The following ZNF14 variants were observed in gnomAD, a reference collection of about 807,000 sequenced individuals.
ZNF14 encodes gonadotropin inducible transcription repressor-4.
A neutral mutation model predicts 11.3 loss-of-function variants in ZNF14; 9 were observed. That is an observed-to-expected ratio of 0.80 (90% CI 0.48 to 1.39). The LOEUF (loss-of-function observed/expected upper bound fraction) is 1.39, where lower values mean the gene tolerates loss of function less well. ZNF14 is among the 40% of genes most tolerant of loss of function. ZNF14 has a pLI of 0.00. For missense variants in ZNF14, 711 were observed against 763.9 expected, an observed-to-expected ratio of 0.93 and a Z score of 0.82; for synonymous variants, 239 against 245.7, an observed-to-expected ratio of 0.97 and a Z score of 0.25.
At position 19,716,987 on chromosome 19, in the gene ZNF14, T is replaced by C. The variant is rs185177415; in HGVS notation, c.4-2500A>G. 1.7e-3 allele frequency among the ~76,000 whole-genome samples: 257 copies of C among 152,242 alleles called. 2 individuals are homozygous for C. The highest frequency in any genetic ancestry group is 5.9e-3 in the African/African-American group (245 of 41,542). On this transcript the variant is annotated intron_variant, in intron 1 of 3. Coordinates refer to ENST00000344099, the MANE Select transcript of ZNF14 (RefSeq NM_021030.3). ...CCGTTTTTTGTCTTCCCAACACCAA[T>C]ACAAGGTGTCTTTTCCAACGCCATT...
intron 1 of ZNF14, among the ~76,000 whole-genome samples, chr19:19,730,633 C>T (rs2062420520): frequency 6.6e-6 from 1 of 152,186 alleles, no homozygotes; most frequent in Non-Finnish European, 1.5e-5. Context: ...CCAATACAGG[C>T]CGGGCGCAGT....
intron 1 of ZNF14, among the ~76,000 whole-genome samples, chr19:19,723,895 G>A (rs1478033155): frequency 3.0e-5 from 4 of 133,774 alleles, no homozygotes; most frequent in Admixed American, 2.9e-4. Flanking sequence ...TTCTCTGATG[G>A]TAGTTTGTAT....
rs3031866 is a variant in ZNF14 at position 19,714,713 on chromosome 19, C to CTTTTTTTTTTTTTTTTTTT, written c.4-227_4-226insAAAAAAAAAAAAAAAAAAA. Among the ~76,000 whole-genome samples the CTTTTTTTTTTTTTTTTTTT allele has an allele frequency of 6.5e-5, 8 of 122,850 alleles. 1 individual carries two copies. The highest frequency in any genetic ancestry group is 2.7e-4 in the South Asian group (1 of 3,724). 80.6% of individuals were successfully genotyped at this position (122,850 alleles called of 152,430 possible). A position where few individuals can be genotyped will look rare whatever the true frequency, so the allele number is the denominator to read the frequency against. On this transcript the variant is annotated intron_variant, in intron 1 of 3. Transcript: ENST00000344099. Reference sequence around the variant, plus strand: ...TTTTTTCTTTTTCCTTTTTCTTTTTCTTTTTTTTTTTTTTTTGAGACAGAG... The same window carrying CTTTTTTTTTTTTTTTTTTT: ...TTTTTTCTTTTTCCTTTTTCTTTTTCTTTTTTTTTTTTTTTTTTTTTTTTTTTTTTTTTTTGAGACAGAG...
rs1599469951 is a variant in ZNF14, at chr19:19,720,378, T to C, written c.4-5891A>G. 6.6e-6 allele frequency among the ~76,000 whole-genome samples: 1 copy of C among 151,518 alleles called. No homozygotes were observed. Among genetic ancestry groups the C allele is most frequent in the Admixed American group, 6.6e-5 (1 of 15,182 alleles). On this transcript the variant is annotated intron_variant, in intron 1 of 3. Transcript: ENST00000344099. The surrounding 1 kb of genome is among the most constrained non-coding windows in gnomAD (Gnocchi z 4.1). ...TTTTTGAGATGGAGTCTCGCTCTTGTTGCCCAGGCTGGAGTGCAATGACAC... is the reference window on the plus strand; with the variant it reads ...TTTTTGAGATGGAGTCTCGCTCTTGCTGCCCAGGCTGGAGTGCAATGACAC...
At position 19,711,715 on chromosome 19, in the gene ZNF14, T is replaced by G; in HGVS notation, c.1566A>C (p.Glu522Asp). Residue 522 changes from glutamate to aspartate, a missense_variant, in exon 4 of 4, where the codon GAA becomes GAC. Glu to Asp is a conservative substitution (Grantham distance 45, BLOSUM62 2). Transcript: ENST00000344099. ...FSFSSSLREH[E>D]KIHTGNKPFE... The stretch of plus-strand genomic sequence containing the variant: ...AAGGCTTATTTCCAGTGTGAATTTT[T>G]TCATGTTCTCGAAGGGAACTTGAAA... 1 of 1,614,162 alleles carries G rather than the reference T, an allele frequency of 6.2e-7. No individual in the cohort carries two copies. The highest frequency in any genetic ancestry group is 8.5e-7 in the Non-Finnish European group (1 of 1,180,026).
At position 19,733,042 on chromosome 19, in the gene ZNF14, A is replaced by T; in HGVS notation, c.-84T>A. The T allele has an allele frequency of 6.4e-7, 1 of 1,561,348 alleles. No individual in the cohort carries two copies. The highest frequency in any genetic ancestry group is 8.7e-7 in the Non-Finnish European group (1 of 1,146,128). On this transcript the variant is annotated 5_prime_UTR_variant, in exon 1 of 4. Coordinates refer to ENST00000344099, the MANE Select transcript of ZNF14 (RefSeq NM_021030.3). ...CACGGCGCGACAAAGGATGCGCTAG[A>T]GCCACCTTCGGCCTTCAGGAGCAGG... is the stretch of plus-strand genomic sequence containing the variant.
rs1197017921 is a variant in ZNF14 at position 19,727,950 on chromosome 19, C to G, written c.3+5006G>C. Among the ~76,000 whole-genome samples, 2 of 133,250 alleles carry G rather than the reference C, an allele frequency of 1.5e-5. 1 individual carries two copies. The highest frequency in any genetic ancestry group is 3.3e-5 in the Non-Finnish European group (2 of 60,040). 87.4% of individuals were successfully genotyped at this position (133,250 alleles called of 152,430 possible). A position where few individuals can be genotyped will look rare whatever the true frequency, so the allele number is the denominator to read the frequency against. ...TGGCCATCATGGTGAAACTCCGTCT[C>G]TACTAAAAATACAAAAATTAGCTGG... On this transcript the variant is annotated intron_variant, in intron 1 of 3. Coordinates refer to ENST00000344099, the MANE Select transcript of ZNF14 (RefSeq NM_021030.3).
At position 19,723,867 on chromosome 19, in the gene ZNF14, G is replaced by C. The variant is rs1173070238; in HGVS notation, c.3+9089C>G. Among the ~76,000 whole-genome samples, 3 of 133,754 alleles carry C rather than the reference G, an allele frequency of 2.2e-5. 1 individual carries two copies. The highest frequency in any genetic ancestry group is 7.3e-5 in the Admixed American group (1 of 13,688). 87.7% of individuals were successfully genotyped at this position (133,754 alleles called of 152,430 possible). A position where few individuals can be genotyped will look rare whatever the true frequency, so the allele number is the denominator to read the frequency against. Reference sequence around the variant, plus strand: ...CTTCTAGATTTTCTAGTTTATTTGCGTAGAGGTGTTTATACTATTCTCTGA... The same window carrying C: ...CTTCTAGATTTTCTAGTTTATTTGCCTAGAGGTGTTTATACTATTCTCTGA... On this transcript the variant is annotated intron_variant, in intron 1 of 3. Coordinates refer to ENST00000344099, the MANE Select transcript of ZNF14 (RefSeq NM_021030.3).
chr19:19,712,307 T>G lies in ZNF14; in HGVS notation c.974A>C (p.His325Pro). 1 of 1,614,110 alleles carries G rather than the reference T, an allele frequency of 6.2e-7. No individual in the cohort carries two copies. The change falls in exon 4 of 4, where the codon CAT becomes CCT. Residue 325 changes from histidine to proline, a missense_variant. Transcript: ENST00000344099. ...TCGAGCCCCAGTGTGTATTATTACA[T>G]GTGCTCGAAAGCTTGCAGAATAAAA... ...AFFYSASFRA[H>P]VIIHTGARPY...
At chr19:19,721,231 C>T (rs558897530) in intron 1 of ZNF14, among the ~76,000 whole-genome samples, 46 of 152,220 alleles carry the variant, frequency 3.0e-4, no homozygotes, top group Admixed American at 3.0e-3. Flanking sequence ...GCTAGGATTA[C>T]AGGCATGAGC....
chr19:19,712,921 C>T lies in ZNF14; in HGVS notation c.360G>A (p.Arg120=). ...TCTGTCCAGTGTGAGATCTCATGTG[C>T]CTATTAAGGGACGAATGATGAATGA... ...RDFIHHSSLN[R]HMRSHTGQKP... Residue 120 remains arginine, a synonymous_variant, in exon 4 of 4, where the codon AGG becomes AGA. Transcript: ENST00000344099. The T allele has an allele frequency of 6.2e-7, 1 of 1,614,090 alleles. No homozygotes were observed. Among genetic ancestry groups the T allele is most frequent in the Non-Finnish European group, 8.5e-7 (1 of 1,180,016 alleles).
rs746737389 is a variant in ZNF14, at chr19:19,712,371, C to T, written c.910G>A (p.Glu304Lys). 5.6e-6 allele frequency: 9 copies of T among 1,612,060 alleles called. No homozygotes were observed. The highest frequency in any genetic ancestry group is 7.6e-6 in the Non-Finnish European group (9 of 1,179,586). Residue 304 changes from glutamate to lysine, a missense_variant, in exon 4 of 4, where the codon GAG becomes AAG. Coordinates refer to ENST00000344099, the MANE Select transcript of ZNF14 (RefSeq NM_021030.3). The part of the protein sequence containing the change: ...FRRHKRTHSG[E>K]KPYECKECGK... ...CATTCTTTACATTCATAGGGTTTCTCTCCACTATGAGTCCTTTTATGCCTT... is the reference window on the plus strand; with the variant it reads ...CATTCTTTACATTCATAGGGTTTCTTTCCACTATGAGTCCTTTTATGCCTT...
intron 1 of ZNF14, among the ~76,000 whole-genome samples, chr19:19,715,196 G>A (rs140810515): frequency 2.6e-4 from 39 of 152,054 alleles, no homozygotes; most frequent in South Asian, 4.1e-4. Flanking sequence ...ATTTCATTAC[G>A]CATGGAATCA....
intron 1 of ZNF14, among the ~76,000 whole-genome samples, chr19:19,721,249 C>A (rs999550617): frequency 1.3e-5 from 2 of 152,178 alleles, no homozygotes; most frequent in Non-Finnish European, 2.9e-5. Context: ...AGCCACCACC[C>A]CCGGCCCTTC....
At position 19,712,461 on chromosome 19, in the gene ZNF14, T is replaced by C. The variant is rs12973901; in HGVS notation, c.820A>G (p.Thr274Ala). Residue 274 changes from threonine (T) to alanine (A), a missense_variant, in exon 4 of 4, where the codon ACT (threonine) becomes GCT (alanine). Transcript: ENST00000344099. ...TTACATTTGTAGGGTTTTTCTCCAGTGTGAGTTCTTTCATGAGTTCGAAAG... is the reference window on the plus strand; with the variant it reads ...TTACATTTGTAGGGTTTTTCTCCAGCGTGAGTTCTTTCATGAGTTCGAAAG... The part of the protein sequence containing the change: ...TYFRTHERTH[T>A]GEKPYKCKEC... 10 of 1,612,830 alleles carry C rather than the reference T, an allele frequency of 6.2e-6. No homozygotes were observed. The highest frequency in any genetic ancestry group is 8.5e-6 in the Non-Finnish European group (10 of 1,179,752).
chr19:19,730,516 A>C (rs2062420043), intron 1 of ZNF14, among the ~76,000 whole-genome samples: 1 of 152,180 alleles, frequency 6.6e-6, no homozygotes, highest in African/African-American at 2.4e-5. Context: ...GCATCTTAAA[A>C]ACCAATCTAT....
chr19:19,733,063 G>A lies in ZNF14; in HGVS notation c.-105C>T. The A allele has an allele frequency of 1.9e-5, 28 of 1,460,322 alleles. No homozygotes were observed. Among genetic ancestry groups the A allele is most frequent in the Non-Finnish European group, 2.5e-5 (27 of 1,068,836 alleles). The allele number at this position is 1,460,322 out of a possible 1,614,324, so 90.5% of individuals were successfully genotyped here. A position where few individuals can be genotyped will look rare whatever the true frequency, so the allele number is the denominator to read the frequency against. On this transcript the variant is annotated 5_prime_UTR_variant, in exon 1 of 4. Coordinates refer to ENST00000344099, the MANE Select transcript of ZNF14 (RefSeq NM_021030.3). The stretch of plus-strand genomic sequence containing the variant: ...CTAGAGCCACCTTCGGCCTTCAGGA[G>A]CAGGTGAAACGCAATCTTCCCATGG...
In ZNF14 at chr19:19,711,514, A is replaced by G; in HGVS notation, c.1767T>C (p.Cys589=). 6.2e-7 allele frequency: 1 copy of G among 1,613,864 alleles called. No individual in the cohort carries two copies. The highest frequency in any genetic ancestry group is 8.5e-7 in the Non-Finnish European group (1 of 1,179,920). ...ATCTGAAGGCTTTCCCACATTGTTT[A>G]CATCGATAGGGTTTCTCTCCCGTGT... is the stretch of plus-strand genomic sequence containing the variant. The part of the protein sequence containing the change: ...RTHTGEKPYR[C]KQCGKAFRFS... The change falls in exon 4 of 4, where the codon TGT becomes TGC. Residue 589 remains cysteine (C), a synonymous_variant. Coordinates refer to ENST00000344099, the MANE Select transcript of ZNF14 (RefSeq NM_021030.3).
At chr19:19,724,382 T>C (rs1380153369) in intron 1 of ZNF14, among the ~76,000 whole-genome samples, 1 of 134,044 alleles carries the variant, frequency 7.5e-6, no homozygotes, top group African/African-American at 2.8e-5. Context: ...TTCGATGCAG[T>C]TGAGTGGTTT....
Sources: allele counts gnomAD v4.1 joint callset (sites outside exome capture counted in the v4.1 genomes callset), GRCh38; gene constraint gnomAD v4.1.1; non-coding constraint Gnocchi (gnomAD v3.1); transcripts MANE v1.5; gene names NCBI Gene and HGNC (gene_info 2026-07-23, HGNC 2026-07-21).